The following SCARA5 variants were observed in gnomAD, a reference collection of about 807,000 sequenced individuals.
SCARA5 encodes scavenger receptor class A member 5.
Under a neutral mutation model 46.3 loss-of-function variants are expected in SCARA5, and 45 were observed. The ratio of observed to expected loss-of-function variants is 0.97; its 90% CI spans 0.76 to 1.24. SCARA5 has a LOEUF of 1.24. Among genes scored for constraint, SCARA5 ranks in the 50% most tolerant of loss-of-function variants. SCARA5 has a pLI of 0.00. For synonymous variants in SCARA5, 333 were observed against 306.5 expected (o/e 1.09, Z -0.90); for missense variants, 680 against 689.0 (o/e 0.99, Z 0.15).
At chr8:27,949,334 T>G (rs1048708309) in intron 3 of SCARA5, among the ~76,000 whole-genome samples, 1 of 152,262 alleles carries the variant, frequency 6.6e-6, no homozygotes, top group African/African-American at 2.4e-5. Flanking sequence ...CCTTTAAATT[T>G]AATCAGCAAC....
chr8:27,891,701 G>A (rs1316083762), intron 7 of SCARA5, among the ~76,000 whole-genome samples: 1 of 152,152 alleles, frequency 6.6e-6, no homozygotes, highest in Non-Finnish European at 1.5e-5. Flanking sequence ...ACCCAGATGG[G>A]TTTTACATGA....
intron 7 of SCARA5, among the ~76,000 whole-genome samples, chr8:27,881,835 C>T (rs1806817662): frequency 6.6e-6 from 1 of 152,168 alleles, no homozygotes; most frequent in African/African-American, 2.4e-5. Context: ...GAGAGTGGTG[C>T]ATTTGTTACA....
At chr8:27,922,269 C>G (rs374080470) in intron 3 of SCARA5, 24 bp from the exon 4 acceptor site, 169 of 1,492,542 alleles carry the variant, frequency 1.1e-4, no homozygotes, top group Non-Finnish European at 1.5e-4. Context: ...AGAGGGGAGA[C>G]TTGAGCACCG....
At chr8:27,903,358 A>G (rs1807192406) in intron 7 of SCARA5, 1 of 152,262 alleles carries the variant, frequency 6.6e-6, no homozygotes, top group Non-Finnish European at 1.5e-5. Flanking sequence ...GTAATCGTGT[A>G]ATGATCTGGA....
intron 7 of SCARA5, among the ~76,000 whole-genome samples, chr8:27,880,805 C>T (rs1018141849): frequency 6.3e-5 from 8 of 127,362 alleles, no homozygotes; most frequent in African/African-American, 2.1e-4. Flanking sequence ...CAGTGAGCCA[C>T]GTTTGTGCCA....
At chr8:27,929,643 G>A (rs1204528862) in intron 3 of SCARA5, among the ~76,000 whole-genome samples, 1 of 152,160 alleles carries the variant, frequency 6.6e-6, no homozygotes, top group African/African-American at 2.4e-5. Flanking sequence ...TGAAATTGGG[G>A]TGAATTTGTG....
chr8:27,892,993 C>G (rs1001039688), intron 7 of SCARA5, among the ~76,000 whole-genome samples: 3 of 152,150 alleles, frequency 2.0e-5, no homozygotes, highest in African/African-American at 7.2e-5. Flanking sequence ...GAGGTCTCAT[C>G]ATTGTGAGCT....
intron 3 of SCARA5, among the ~76,000 whole-genome samples, chr8:27,944,443 A>G (rs1808000474): frequency 6.6e-6 from 1 of 152,164 alleles, no homozygotes; most frequent in Non-Finnish European, 1.5e-5. Flanking sequence ...GTAATAACAA[A>G]CGTGGGGCGA....
At chr8:27,961,333 G>A (rs898825591) in intron 3 of SCARA5, among the ~76,000 whole-genome samples, 1 of 152,030 alleles carries the variant, frequency 6.6e-6, no homozygotes, top group African/African-American at 2.4e-5. Flanking sequence ...GTTTAAAGAC[G>A]GTGGACCTCC....
rs1807610117 is a variant in SCARA5 at position 27,922,246 on chromosome 8, C to G, written c.242-1G>C. On this transcript the variant is annotated splice_acceptor_variant, in intron 3 of 8. Transcript: ENST00000354914. LOFTEE classifies it high-confidence loss of function. ...TCAGGGGAGCTGCGCGGCCTGGACA[C>G]TGCGGAGGAGGAAGAGGGGAGACTT... 1 of 1,523,626 alleles carries G rather than the reference C, an allele frequency of 6.6e-7. No individual in the cohort carries two copies. Among genetic ancestry groups the G allele is most frequent in the Non-Finnish European group, 8.8e-7 (1 of 1,134,456 alleles). 94.4% of individuals were successfully genotyped at this position (1,523,626 alleles called of 1,614,324 possible). A position where few individuals can be genotyped will look rare whatever the true frequency, so the allele number is the denominator to read the frequency against.
chr8:27,923,938 C>T (rs931209758), intron 3 of SCARA5, among the ~76,000 whole-genome samples: 2 of 152,238 alleles, frequency 1.3e-5, no homozygotes, highest in Non-Finnish European at 2.9e-5. Context: ...ATCCCCCACC[C>T]CTTCCTCTTG....
In SCARA5 at chr8:27,951,625, G is replaced by A. The variant is rs377127670; in HGVS notation, c.241+14789C>T. Among the ~76,000 whole-genome samples, 18 of 152,296 alleles carry A rather than the reference G, an allele frequency of 1.2e-4. No homozygotes were observed. The East Asian group carries it at 2.9e-3, about 25-fold the overall frequency. On this transcript the variant is annotated intron_variant, in intron 3 of 8. Coordinates refer to ENST00000354914, the MANE Select transcript of SCARA5 (RefSeq NM_173833.6). ...TCCCGTCCTGCACGGTGCCATCAGC[G>A]ACTGCCCATGGCCACACGGTAAGGC...
At chr8:27,933,759 T>C (rs920127630) in intron 3 of SCARA5, among the ~76,000 whole-genome samples, 1 of 152,188 alleles carries the variant, frequency 6.6e-6, no homozygotes, top group Non-Finnish European at 1.5e-5. Flanking sequence ...TGTTTATTTA[T>C]CATGATTGAA....
intron 3 of SCARA5, among the ~76,000 whole-genome samples, chr8:27,941,826 T>C (rs1807950604): frequency 6.8e-6 from 1 of 147,818 alleles, no homozygotes; most frequent in South Asian, 2.1e-4. Flanking sequence ...ATTATTATTA[T>C]TATTATTATT....
chr8:27,876,727 G>A (rs1342306130), intron 8 of SCARA5, among the ~76,000 whole-genome samples: 1 of 152,148 alleles, frequency 6.6e-6, no homozygotes, highest in Non-Finnish European at 1.5e-5. Flanking sequence ...CCCAGGTGTG[G>A]AGGCAGCCTC....
intron 2 of SCARA5, among the ~76,000 whole-genome samples, chr8:27,973,331 G>T (rs1385304855): frequency 6.6e-6 from 1 of 151,992 alleles, no homozygotes; most frequent in East Asian, 1.9e-4. Flanking sequence ...ACAAAAATTA[G>T]CCAGGCTTGG....
chr8:27,949,035 C>G (rs1808081791), intron 3 of SCARA5, among the ~76,000 whole-genome samples: 1 of 152,248 alleles, frequency 6.6e-6, no homozygotes. Flanking sequence ...TGTGGGAAGC[C>G]ACCCTCCTTG....
chr8:27,909,788 A>C, intron 4 of SCARA5, 45 bp from the exon 5 acceptor site: 1 of 1,368,672 alleles, frequency 7.3e-7, no homozygotes, highest in Non-Finnish European at 1.0e-6. Flanking sequence ...CTCCCTTCTG[A>C]AACAGGACCA....
At chr8:27,916,471 G>GGTATATA (rs1563524134) in intron 4 of SCARA5, among the ~76,000 whole-genome samples, 2 of 152,006 alleles carry the variant, frequency 1.3e-5, no homozygotes, top group East Asian at 3.9e-4. Flanking sequence ...ATGCGTATAT[G>GGTATATA]TGTGTGTGTG....
Sources: allele counts gnomAD v4.1 joint callset (sites outside exome capture counted in the v4.1 genomes callset), GRCh38; gene constraint gnomAD v4.1.1; transcripts MANE v1.5; gene names NCBI Gene and HGNC (gene_info 2026-07-23, HGNC 2026-07-21).